Variants in RUNX1 observed in about 807,000 individuals in gnomAD.
RUNX1 encodes runt-related transcription factor 1.
In RUNX1, 19 loss-of-function variants were observed where a neutral mutation model predicts 42.8. That is an observed-to-expected ratio of 0.44 (90% CI 0.31 to 0.65). The LOEUF is 0.65. RUNX1 is among the 30% of genes least tolerant of loss of function. The pLI is 0.07. For synonymous variants in RUNX1, 271 were observed against 289.4 expected (o/e 0.94, Z 0.64); for missense variants, 528 against 672.0 (o/e 0.79, Z 2.37).
chr21:34,940,274 A>G (rs2058517100), intron 2 of RUNX1, among the ~76,000 whole-genome samples: 1 of 152,216 alleles, frequency 6.6e-6, no homozygotes, highest in Non-Finnish European at 1.5e-5. Context: ...CATGAGCCCC[A>G]GCCTAGACTT....
At chr21:34,839,483 A>G (rs1481128232) in intron 6 of RUNX1, among the ~76,000 whole-genome samples, 2 of 152,184 alleles carry the variant, frequency 1.3e-5, no homozygotes, top group African/African-American at 4.8e-5. Context: ...AGGGTGGAGA[A>G]GTGCACAATG....
chr21:34,959,587 A>G (rs539858958), intron 2 of RUNX1, among the ~76,000 whole-genome samples: 1 of 152,216 alleles, frequency 6.6e-6, no homozygotes, highest in South Asian at 2.1e-4. Flanking sequence ...CAGAAGAGAG[A>G]AGATAAGAAG....
chr21:34,888,556 G>A, intron 3 of RUNX1: 1 of 1,063,750 alleles, frequency 9.4e-7, no homozygotes, highest in Non-Finnish European at 1.1e-6. Flanking sequence ...AGGAGAAGCA[G>A]CAGAGGTTGA....
chr21:34,918,215 T>C (rs1186582811), intron 2 of RUNX1, among the ~76,000 whole-genome samples: 1 of 151,602 alleles, frequency 6.6e-6, no homozygotes, highest in Admixed American at 6.6e-5. Context: ...TAAATCGCTA[T>C]GCAATAATCC....
At chr21:35,032,859 T>C (rs756701761) in intron 2 of RUNX1, among the ~76,000 whole-genome samples, 4 of 152,228 alleles carry the variant, frequency 2.6e-5, no homozygotes, top group Non-Finnish European at 4.4e-5. Flanking sequence ...TGGTTGTATG[T>C]GAGAGGAGAT....
chr21:34,992,901 G>C (rs2058956396), intron 2 of RUNX1, among the ~76,000 whole-genome samples: 2 of 151,928 alleles, frequency 1.3e-5, no homozygotes, highest in Non-Finnish European at 2.9e-5. Flanking sequence ...GTCAGGGCTA[G>C]CAATGAGGAG....
chr21:34,964,912 G>A (rs991029958), intron 2 of RUNX1, among the ~76,000 whole-genome samples: 10 of 151,974 alleles, frequency 6.6e-5, no homozygotes, highest in Admixed American at 2.0e-4. Context: ...ACACTCACAC[G>A]CATGCACACT....
Position 34,843,355 on chromosome 21 carries a change from C to T in RUNX1, c.614-8754G>A, listed in dbSNP as rs1019662038. On this transcript the variant is annotated intron_variant, in intron 6 of 8. Transcript: ENST00000675419. This position sits in a 1 kb window ranked among gnomAD's most constrained non-coding sequence, Gnocchi z 4.8. ...ACAAACCAGGACAGACACATATATA[C>T]AGACGCACACACACATATACATATA... Among the ~76,000 whole-genome samples the T allele has an allele frequency of 2.0e-5, 3 of 152,084 alleles. No individual in the cohort carries two copies. The highest frequency in any genetic ancestry group is 4.8e-5 in the African/African-American group (2 of 41,388).
At chr21:34,818,373 G>A (rs534403486) in intron 7 of RUNX1, among the ~76,000 whole-genome samples, 19 of 152,384 alleles carry the variant, frequency 1.2e-4, no homozygotes, top group Non-Finnish European at 2.8e-4. Flanking sequence ...AGCGGGGGAA[G>A]GGAGGAGGGA....
chr21:34,870,235 C>T (rs2057717856), intron 5 of RUNX1, among the ~76,000 whole-genome samples: 1 of 152,196 alleles, frequency 6.6e-6, no homozygotes, highest in Admixed American at 6.5e-5. Context: ...CACAGAGTCC[C>T]CATTGTCTGC....
At chr21:34,808,511 A>G (rs1276699153) in intron 7 of RUNX1, among the ~76,000 whole-genome samples, 3 of 152,096 alleles carry the variant, frequency 2.0e-5, no homozygotes, top group African/African-American at 4.8e-5. Context: ...GGTTCCTCAC[A>G]TCAGGCCGCC....
intron 2 of RUNX1, among the ~76,000 whole-genome samples, chr21:35,016,862 G>GAC (rs1739909867): frequency 6.7e-6 from 1 of 148,778 alleles, no homozygotes. Flanking sequence ...GAATCTCTGG[G>GAC]ACTTGCAGTG....
intron 4 of RUNX1, among the ~76,000 whole-genome samples, chr21:34,884,124 T>C (rs2057945998): frequency 6.6e-6 from 1 of 152,128 alleles, no homozygotes; most frequent in African/African-American, 2.4e-5. Context: ...ATTCTGTAAG[T>C]ACAGCAAAAC....
At chr21:34,818,175 C>T (rs915913122) in intron 7 of RUNX1, among the ~76,000 whole-genome samples, 3 of 152,214 alleles carry the variant, frequency 2.0e-5, no homozygotes, top group East Asian at 1.9e-4. Context: ...GTGGGGGCTG[C>T]GCCCCTGCCT....
chr21:34,890,561 T>C (rs1396181084), intron 3 of RUNX1, among the ~76,000 whole-genome samples: 1 of 151,974 alleles, frequency 6.6e-6, no homozygotes. Flanking sequence ...TCCGGGGGGC[T>C]AAGGCGGGCG....
Position 34,880,746 on chromosome 21 carries a change from C to G in RUNX1, c.352-33G>C, listed in dbSNP as rs377574925. On this transcript the variant is annotated intron_variant, in intron 4 of 8. Coordinates refer to ENST00000675419, the MANE Select transcript of RUNX1 (RefSeq NM_001754.5). ...CCAGTCAAAGGACAAATGCAGACAT[C>G]AGGGATGTTATACATACACTTTTAG... 39 of 1,611,536 alleles carry G rather than the reference C, an allele frequency of 2.4e-5. No individual in the cohort carries two copies. The African/African-American group carries it at 4.7e-4, about 19-fold the overall frequency.
At chr21:35,037,058 C>A (rs538973212) in intron 2 of RUNX1, among the ~76,000 whole-genome samples, 35 of 152,302 alleles carry the variant, frequency 2.3e-4, no homozygotes, top group African/African-American at 8.2e-4. Context: ...GTGGTGCGCT[C>A]TCAAGCCCAT....
At chr21:34,894,206 C>T (rs2058110467) in intron 2 of RUNX1, among the ~76,000 whole-genome samples, 1 of 152,118 alleles carries the variant, frequency 6.6e-6, no homozygotes, top group Non-Finnish European at 1.5e-5. Flanking sequence ...GACCAGACAG[C>T]ACACCCAGCG....
intron 2 of RUNX1, among the ~76,000 whole-genome samples, chr21:35,047,555 ACACACACTCTCT>A (rs1463145689): frequency 0.018 from 1,506 of 83,754 alleles, 18 homozygotes; most frequent in East Asian, 0.041. Flanking sequence ...ACACACACAC[ACACACACTCTCT>A]CTCTCTCTCT....
Sources: allele counts gnomAD v4.1 joint callset (sites outside exome capture counted in the v4.1 genomes callset), GRCh38; gene constraint gnomAD v4.1.1; non-coding constraint Gnocchi (gnomAD v3.1); transcripts MANE v1.5; gene names NCBI Gene and HGNC (gene_info 2026-07-23, HGNC 2026-07-21).